CNOT1: variants seen among roughly 807,000 people sequenced by gnomAD.
CNOT1 encodes CCR4-NOT transcription complex subunit 1.
In CNOT1, 15 loss-of-function variants were observed where a neutral mutation model predicts 273.8. The ratio of observed to expected loss-of-function variants is 0.05; its 90% CI spans 0.04 to 0.08. The LOEUF (loss-of-function observed/expected upper bound fraction) is 0.08. Ranked by LOEUF, CNOT1 falls within the 10% of genes least tolerant of loss-of-function variation. The pLI is 1.00. For missense variants in CNOT1, 1,644 were observed against 2,912.2 expected, an observed-to-expected ratio of 0.56 and a Z score of 10.02; for synonymous variants, 1,022 against 1,005.5, an observed-to-expected ratio of 1.02 and a Z score of -0.31.
rs756488109 is a variant in CNOT1 at position 58,555,369 on chromosome 16, G to A, written c.2773C>T (p.Leu925=). Residue 925 remains leucine, a synonymous_variant, in exon 21 of 49, where the codon CTG becomes TTG. Coordinates refer to ENST00000317147, the MANE Select transcript of CNOT1 (RefSeq NM_016284.5). Reference sequence around the variant, plus strand: ...AGACCTAGTGCCATGTAAGTGACCAGTCCTTTCTCAATTATACCACCAAAT... The same window carrying A: ...AGACCTAGTGCCATGTAAGTGACCAATCCTTTCTCAATTATACCACCAAAT... The part of the protein sequence containing the change: ...CLFGGIIEKG[L]VTYMALGLAL... 3 of 1,614,196 alleles carry A rather than the reference G, an allele frequency of 1.9e-6. No homozygotes were observed. The highest frequency in any genetic ancestry group is 1.7e-6 in the Non-Finnish European group (2 of 1,180,034).
chr16:58,561,816 G>A (rs2040851645), intron 16 of CNOT1, among the ~76,000 whole-genome samples: 1 of 152,130 alleles, frequency 6.6e-6, no homozygotes, highest in Non-Finnish European at 1.5e-5. Flanking sequence ...CTGACCCCAA[G>A]CATTTCAAAG....
At chr16:58,534,910 TACCA>T (rs1247151976) in intron 39 of CNOT1, among the ~76,000 whole-genome samples, 3 of 152,210 alleles carry the variant, frequency 2.0e-5, no homozygotes, top group Non-Finnish European at 4.4e-5. Flanking sequence ...AACAGGTAAG[TACCA>T]AATGGAAATA....
At chr16:58,596,703 C>T (rs1196645467) in intron 2 of CNOT1, among the ~76,000 whole-genome samples, 3 of 151,580 alleles carry the variant, frequency 2.0e-5, no homozygotes, top group South Asian at 2.1e-4. Context: ...CTGGCTAACA[C>T]GATGAAACCC....
chr16:58,535,542 A>T (rs1597412236), intron 39 of CNOT1, among the ~76,000 whole-genome samples: 1 of 152,314 alleles, frequency 6.6e-6, no homozygotes, highest in East Asian at 1.9e-4. Flanking sequence ...ATACCCACGA[A>T]ATAGCAATGA....
At chr16:58,563,768 C>T (rs2040942734) in intron 16 of CNOT1, among the ~76,000 whole-genome samples, 1 of 152,170 alleles carries the variant, frequency 6.6e-6, no homozygotes, top group Non-Finnish European at 1.5e-5. Flanking sequence ...GATGCAATAA[C>T]ACTGCTGGTT....
At chr16:58,586,772 C>G in intron 6 of CNOT1, 24 bp from the exon 7 acceptor site, 1 of 1,609,274 alleles carries the variant, frequency 6.2e-7, no homozygotes, top group South Asian at 1.1e-5. Flanking sequence ...AAACCAAAAA[C>G]CGCAAGTTAC....
intron 16 of CNOT1, among the ~76,000 whole-genome samples, chr16:58,569,041 T>C (rs973132894): frequency 3.9e-5 from 6 of 152,220 alleles, no homozygotes; most frequent in African/African-American, 1.2e-4. Flanking sequence ...TGGAAAGCTA[T>C]GTAGAAATGA....
At chr16:58,626,497 C>A (rs966203671) in intron 1 of CNOT1, among the ~76,000 whole-genome samples, 1 of 150,036 alleles carries the variant, frequency 6.7e-6, no homozygotes, top group African/African-American at 2.4e-5. Context: ...CACGGTCACT[C>A]ATGCCTGTAA....
intron 1 of CNOT1, among the ~76,000 whole-genome samples, chr16:58,612,144 G>A (rs1312944573): frequency 1.3e-5 from 2 of 152,036 alleles, no homozygotes; most frequent in African/African-American, 4.8e-5. Context: ...CAAAGACATC[G>A]ATCTAAAGGC....
At chr16:58,599,538 A>C in intron 1 of CNOT1, 27 bp from the exon 2 acceptor site, 5 of 587,560 alleles carry the variant, frequency 8.5e-6, no homozygotes, top group Non-Finnish European at 1.1e-5. Flanking sequence ...ACACACACAA[A>C]TCCAGATTTT....
At position 58,533,407 on chromosome 16, in the gene CNOT1, C is replaced by T. The variant is rs1597407827; in HGVS notation, c.5895+740G>A. ...ATCCCAGCACTTTGGGAGGCTGAGG[C>T]AGGCGGATCACAAGGTTGGGAGAGC... On this transcript the variant is annotated intron_variant, in intron 40 of 48. Transcript: ENST00000317147. Among the ~76,000 whole-genome samples the T allele has an allele frequency of 3.3e-5, 5 of 152,320 alleles. No individual in the cohort carries two copies. In the East Asian group the frequency reaches 9.7e-4, roughly 29 times the overall value.
In CNOT1 at chr16:58,530,426, C is replaced by A. The variant is rs1334391167; in HGVS notation, c.6178-79G>T. 3 of 898,558 alleles carry A rather than the reference C, an allele frequency of 3.3e-6. No individual in the cohort carries two copies. In the African/African-American group the frequency reaches 5.0e-5, roughly 15 times the overall value. The allele number at this position is 898,558 out of a possible 1,614,324, so 55.7% of individuals were successfully genotyped here. On this transcript the variant is annotated intron_variant, in intron 42 of 48. Transcript: ENST00000317147. ...ACTACAAGTCGCCCAAGCAGCTACACTGACTTATCTTCTTCATGCTAATAT... is the reference window on the plus strand; with the variant it reads ...ACTACAAGTCGCCCAAGCAGCTACAATGACTTATCTTCTTCATGCTAATAT...
chr16:58,597,632 G>A lies in CNOT1; in HGVS notation c.102+1604C>T, dbSNP rs920456864. 6.8e-6 allele frequency: 3 copies of A among 442,228 alleles called. No homozygotes were observed. In the East Asian group the frequency reaches 1.8e-4, roughly 27 times the overall value. The allele number at this position is 442,228 out of a possible 1,614,324, so 27.4% of individuals were successfully genotyped here. The stretch of plus-strand genomic sequence containing the variant: ...CTTTGATCTGTAAGCAATCAACATG[G>A]AGAGATGCTATGCCAAAGAGGAAAG... On this transcript the variant is annotated intron_variant, in intron 2 of 48. Transcript: ENST00000317147.
intron 35 of CNOT1, among the ~76,000 whole-genome samples, chr16:58,539,480 C>CACACAGACACACACACAG (rs1555494953): frequency 6.7e-4 from 100 of 148,688 alleles, no homozygotes; most frequent in Non-Finnish European, 9.5e-4. Flanking sequence ...CACACACACA[C>CACACAGACACACACACAG]ACACACACAC....
At chr16:58,626,973 CA>C (rs1381309901) in intron 1 of CNOT1, among the ~76,000 whole-genome samples, 1 of 151,634 alleles carries the variant, frequency 6.6e-6, no homozygotes, top group East Asian at 1.9e-4. Flanking sequence ...TTGCCTGGGC[CA>C]AAAAAATTAG....
chr16:58,520,666 G>A lies in CNOT1; in HGVS notation c.*292C>T. On this transcript the variant is annotated 3_prime_UTR_variant, in exon 49 of 49. Transcript: ENST00000317147. ...TATGTACTTGCCTTGGACACAGCTT[G>A]CACAAAGCCAAGAAGTTCCAGACAA... The A allele has an allele frequency of 4.8e-6, 2 of 420,664 alleles. No homozygotes were observed. Among genetic ancestry groups the A allele is most frequent in the Non-Finnish European group, 8.8e-6 (2 of 227,120 alleles). The allele number at this position is 420,664 out of a possible 1,614,324, so 26.1% of individuals were successfully genotyped here. A position where few individuals can be genotyped will look rare whatever the true frequency, so the allele number is the denominator to read the frequency against.
chr16:58,576,883 T>G (rs2041472398), intron 13 of CNOT1, among the ~76,000 whole-genome samples: 1 of 152,238 alleles, frequency 6.6e-6, no homozygotes, highest in African/African-American at 2.4e-5. Context: ...AACTAGATTA[T>G]GTGAACATGA....
chr16:58,558,505 C>T lies in CNOT1; in HGVS notation c.2300G>A (p.Ser767Asn), dbSNP rs768102922. 4 of 1,613,996 alleles carry T rather than the reference C, an allele frequency of 2.5e-6. No individual in the cohort carries two copies. Among genetic ancestry groups the T allele is most frequent in the South Asian group, 2.2e-5 (2 of 91,070 alleles). The change falls in exon 18 of 49, where the codon AGT becomes AAT. Residue 767 changes from serine (S) to asparagine (N), a missense_variant. This residue lies in a region of CNOT1 where 706 missense variants were observed against 1,021.2 expected (regional missense o/e 0.69). Coordinates refer to ENST00000317147, the MANE Select transcript of CNOT1 (RefSeq NM_016284.5). ...CTGTGATGAAAGTCCTCCAATACCA[C>T]TGAATGCAGTGGTCTGATTGGGGGT... ...LSTPNQTTAFSGIGGLSSQLP... is the reference protein window; with the variant it reads ...LSTPNQTTAFNGIGGLSSQLP...
At chr16:58,577,086 C>T (rs1160367466) in intron 13 of CNOT1, among the ~76,000 whole-genome samples, 2 of 72,916 alleles carry the variant, frequency 2.7e-5, no homozygotes, top group Non-Finnish European at 4.8e-5. Flanking sequence ...TTTTTAATTC[C>T]ATTTCTTTTT....
Sources: gnomAD v4.1 joint callset for allele counts (sites outside exome capture counted in the v4.1 genomes callset) on GRCh38, gnomAD v4.1.1 for gene constraint, gnomAD v4.1.1 regional missense constraint, MANE v1.5 for transcripts, NCBI Gene and HGNC (gene_info 2026-07-23, HGNC 2026-07-21) for gene names.